Variants in SNX3 observed in about 807,000 individuals in gnomAD.
SNX3 encodes sorting nexin-3.
SNX3 carries 5 observed loss-of-function variants against 17.7 expected under a neutral mutation model. The ratio of observed to expected loss-of-function variants is 0.28; its 90% CI spans 0.15 to 0.59. The LOEUF is 0.59. Ranked by LOEUF, SNX3 falls within the 20% of genes least tolerant of loss-of-function variation. The probability of loss-of-function intolerance (pLI) is 0.88; values close to 1 mark genes in which losing one functional copy is unlikely to be tolerated. For missense variants in SNX3, 132 were observed against 206.8 expected (o/e 0.64, Z 2.22); for synonymous variants, 91 against 76.5 (o/e 1.19, Z -0.99).
At chr6:108,241,471 C>A (rs867152895) in intron 1 of SNX3, among the ~76,000 whole-genome samples, 17 of 152,052 alleles carry the variant, frequency 1.1e-4, no homozygotes, top group African/African-American at 3.9e-4. Context: ...ACCTGGCCAA[C>A]AGAACAAGAT....
At chr6:108,257,425 A>T (rs1241342334) in intron 1 of SNX3, among the ~76,000 whole-genome samples, 1 of 152,102 alleles carries the variant, frequency 6.6e-6, no homozygotes, top group Admixed American at 6.5e-5. Context: ...AGGCGGGGGG[A>T]ATACTTGAGT....
At chr6:108,225,491 C>T (rs1407630133) in intron 1 of SNX3, among the ~76,000 whole-genome samples, 1 of 151,818 alleles carries the variant, frequency 6.6e-6, no homozygotes, top group Admixed American at 6.6e-5. Context: ...CTTAGCTGGG[C>T]ATGGTGGCGG....
At chr6:108,220,068 C>A (rs1041104011) in intron 2 of SNX3, among the ~76,000 whole-genome samples, 11 of 152,094 alleles carry the variant, frequency 7.2e-5, no homozygotes, top group African/African-American at 2.4e-4. Context: ...TATTTTTGTA[C>A]ATTTGTTCAA....
chr6:108,213,603 G>C (rs1281254594), intron 3 of SNX3, among the ~76,000 whole-genome samples: 1 of 146,422 alleles, frequency 6.8e-6, no homozygotes, highest in East Asian at 2.0e-4. Context: ...ACTGAGCCGA[G>C]ACTGCACCAC....
intron 1 of SNX3, among the ~76,000 whole-genome samples, chr6:108,245,246 TGA>T (rs1299433700): frequency 6.6e-6 from 1 of 152,158 alleles, no homozygotes; most frequent in African/African-American, 2.4e-5. Context: ...TTGCTGAGGA[TGA>T]TAGTTTCCAG....
chr6:108,223,274 G>A (rs896418649), intron 1 of SNX3, among the ~76,000 whole-genome samples: 9 of 152,170 alleles, frequency 5.9e-5, no homozygotes, highest in African/African-American at 2.2e-4. Flanking sequence ...AAGTAGCTGG[G>A]ATTACAGGCA....
intron 1 of SNX3, among the ~76,000 whole-genome samples, chr6:108,231,568 T>C (rs867435440): frequency 5.3e-5 from 8 of 152,236 alleles, no homozygotes; most frequent in Admixed American, 2.6e-4. Flanking sequence ...GTGTTGATGC[T>C]TTCCATCGGA....
intron 1 of SNX3, among the ~76,000 whole-genome samples, chr6:108,260,437 G>A (rs186969981): frequency 6.6e-6 from 1 of 152,048 alleles, no homozygotes; most frequent in Non-Finnish European, 1.5e-5. Context: ...CCTTCCCAGC[G>A]AAGGGATGTG....
chr6:108,243,954 G>A lies in SNX3; in HGVS notation c.162+16806C>T, dbSNP rs899516576. On this transcript the variant is annotated intron_variant, in intron 1 of 3. Transcript: ENST00000230085. The stretch of plus-strand genomic sequence containing the variant: ...TCAAAAATCAAAACAGGTTAAAAGT[G>A]AAAGGACAGAAAATTACATACCCTG... Among the ~76,000 whole-genome samples the A allele has an allele frequency of 4.6e-5, 7 of 152,128 alleles. No individual in the cohort carries two copies. In the East Asian group the frequency reaches 9.6e-4, roughly 21 times the overall value.
chr6:108,260,925 G>A lies in SNX3; in HGVS notation c.-4C>T. 1 of 1,568,282 alleles carries A rather than the reference G, an allele frequency of 6.4e-7. No individual in the cohort carries two copies. The highest frequency in any genetic ancestry group is 8.6e-7 in the Non-Finnish European group (1 of 1,158,042). Reference sequence around the variant, plus strand: ...TGTCAGCCACGGTCTCCGCCATTTCGCTGTAGCTGCTGCCGCCGCCGCGGG... The same window carrying A: ...TGTCAGCCACGGTCTCCGCCATTTCACTGTAGCTGCTGCCGCCGCCGCGGG... On this transcript the variant is annotated 5_prime_UTR_variant, in exon 1 of 4. Transcript: ENST00000230085.
At chr6:108,245,305 G>A (rs952609367) in intron 1 of SNX3, among the ~76,000 whole-genome samples, 3 of 152,042 alleles carry the variant, frequency 2.0e-5, no homozygotes, top group African/African-American at 7.2e-5. Flanking sequence ...CTTTTTTATG[G>A]CTGCATAGTA....
At position 108,218,329 on chromosome 6, in the gene SNX3, C is replaced by T. The variant is rs1175449620; in HGVS notation, c.259-3707G>A. 5.3e-5 allele frequency among the ~76,000 whole-genome samples: 8 copies of T among 152,244 alleles called. No homozygotes were observed. The East Asian group carries it at 1.5e-3, about 29-fold the overall frequency. Reference sequence around the variant, plus strand: ...ATTAGAGAAATAAAAATCAAAACCACAATGCAATACCCCTTCACAAACAGT... The same window carrying T: ...ATTAGAGAAATAAAAATCAAAACCATAATGCAATACCCCTTCACAAACAGT... On this transcript the variant is annotated intron_variant, in intron 2 of 3. Coordinates refer to ENST00000230085, the MANE Select transcript of SNX3 (RefSeq NM_003795.6).
intron 1 of SNX3, among the ~76,000 whole-genome samples, chr6:108,228,883 T>A (rs1775052175): frequency 6.6e-6 from 1 of 152,172 alleles, no homozygotes; most frequent in African/African-American, 2.4e-5. Flanking sequence ...AATCTTACAT[T>A]ACAAGCTTAT....
intron 1 of SNX3, among the ~76,000 whole-genome samples, chr6:108,235,863 C>A (rs959246612): frequency 1.3e-5 from 2 of 151,992 alleles, no homozygotes; most frequent in African/African-American, 2.4e-5. Flanking sequence ...ACTCCAGCCT[C>A]GGCGACAGAG....
intron 1 of SNX3, among the ~76,000 whole-genome samples, chr6:108,238,626 T>A (rs750489649): frequency 3.7e-4 from 56 of 152,146 alleles, no homozygotes; most frequent in African/African-American, 6.5e-4. Flanking sequence ...AAAATTTTTT[T>A]AAAAAGTGTC....
intron 1 of SNX3, among the ~76,000 whole-genome samples, chr6:108,240,548 T>C (rs1225242008): frequency 6.6e-6 from 1 of 152,206 alleles, no homozygotes; most frequent in African/African-American, 2.4e-5. Flanking sequence ...CCTAGGGCTA[T>C]TGTTACCATG....
chr6:108,233,610 A>G (rs1304507250), intron 1 of SNX3, among the ~76,000 whole-genome samples: 1 of 152,158 alleles, frequency 6.6e-6, no homozygotes, highest in Non-Finnish European at 1.5e-5. Context: ...TTAGCCGGGC[A>G]TGGTGGCACA....
chr6:108,219,748 T>C (rs1774698190), intron 2 of SNX3, among the ~76,000 whole-genome samples: 1 of 152,242 alleles, frequency 6.6e-6, no homozygotes, highest in South Asian at 2.1e-4. Flanking sequence ...ATTTTTGTTA[T>C]GAACTAAATT....
chr6:108,221,115 AT>A (rs1159243360), intron 2 of SNX3, among the ~76,000 whole-genome samples: 2 of 152,174 alleles, frequency 1.3e-5, no homozygotes, highest in African/African-American at 4.8e-5. Flanking sequence ...CCCTACTGAA[AT>A]TTCTACTACA....
Sources: gnomAD v4.1 joint callset for allele counts (sites outside exome capture counted in the v4.1 genomes callset) on GRCh38, gnomAD v4.1.1 for gene constraint, MANE v1.5 for transcripts, NCBI Gene and HGNC (gene_info 2026-07-23, HGNC 2026-07-21) for gene names.